The following WDR33 variants were observed in gnomAD, a reference collection of about 807,000 sequenced individuals.
WDR33 encodes the protein WD repeat domain 33.
WDR33 carries 47 observed loss-of-function variants against 164.9 expected under a neutral mutation model. The observed-to-expected ratio is 0.29, with a 90% CI of 0.23 to 0.36. The LOEUF is 0.36. Among genes scored for constraint, WDR33 ranks in the 10% least tolerant of loss-of-function variants. The probability of loss-of-function intolerance (pLI) is 1.00; values close to 1 mark genes in which losing one functional copy is unlikely to be tolerated. For synonymous variants in WDR33, 505 were observed against 589.0 expected (o/e 0.86, Z 2.06); for missense variants, 1,137 against 1,754.1 (o/e 0.65, Z 6.28).
Position 127,741,964 on chromosome 2 carries a change from G to A in WDR33, c.725-15187C>T, listed in dbSNP as rs1439730688. 1.3e-5 allele frequency among the ~76,000 whole-genome samples: 2 copies of A among 152,160 alleles called. No homozygotes were observed. Among genetic ancestry groups the A allele is most frequent in the East Asian group, 3.9e-4 (2 of 5,158 alleles). Reference sequence around the variant, plus strand: ...ACCTGTAATCCCAGCACTTTGGGAGGCCGAGGCGGGTGGATCACCTGAAGT... The same window carrying A: ...ACCTGTAATCCCAGCACTTTGGGAGACCGAGGCGGGTGGATCACCTGAAGT... On this transcript the variant is annotated intron_variant, in intron 7 of 21. Coordinates refer to ENST00000322313, the MANE Select transcript of WDR33 (RefSeq NM_018383.5). The surrounding 1 kb of genome is among the most constrained non-coding windows in gnomAD (Gnocchi z 4.1).
Position 127,724,193 on chromosome 2 carries a change from T to C in WDR33, c.1196+140A>G, listed in dbSNP as rs1686508813. On this transcript the variant is annotated intron_variant, in intron 11 of 21. Coordinates refer to ENST00000322313, the MANE Select transcript of WDR33 (RefSeq NM_018383.5). This position sits in a 1 kb window ranked among gnomAD's most constrained non-coding sequence, Gnocchi z 4.8. The stretch of plus-strand genomic sequence containing the variant: ...AATCTCTTTATTGCAATATAAGTAT[T>C]TGTAAACCACTACAAAAATATTCCC... 1 of 646,786 alleles carries C rather than the reference T, an allele frequency of 1.5e-6. No homozygotes were observed. The highest frequency in any genetic ancestry group is 4.3e-4 in the Middle Eastern group (1 of 2,338). 40.1% of individuals were successfully genotyped at this position (646,786 alleles called of 1,614,324 possible). A position where few individuals can be genotyped will look rare whatever the true frequency, so the allele number is the denominator to read the frequency against.
At position 127,724,540 on chromosome 2, in the gene WDR33, G is replaced by A; in HGVS notation, c.1086-97C>T. 1.8e-6 allele frequency: 2 copies of A among 1,082,050 alleles called. No homozygotes were observed. The highest frequency in any genetic ancestry group is 2.8e-6 in the Non-Finnish European group (2 of 724,408). 67.0% of individuals were successfully genotyped at this position (1,082,050 alleles called of 1,614,324 possible). A position where few individuals can be genotyped will look rare whatever the true frequency, so the allele number is the denominator to read the frequency against. On this transcript the variant is annotated intron_variant, in intron 10 of 21. Coordinates refer to ENST00000322313, the MANE Select transcript of WDR33 (RefSeq NM_018383.5). This position sits in a 1 kb window ranked among gnomAD's most constrained non-coding sequence, Gnocchi z 4.8. ...CATTTTCTGTTACTCTTAAAATGAA[G>A]CTACCAAAGCCTGGACTTGGACTCT... is the stretch of plus-strand genomic sequence containing the variant.
intron 1 of WDR33, among the ~76,000 whole-genome samples, chr2:127,789,609 C>A (rs950941404): frequency 6.6e-6 from 1 of 151,180 alleles, no homozygotes; most frequent in Non-Finnish European, 1.5e-5. Context: ...GAGAATCAGG[C>A]AGGGAGGTTG....
At chr2:127,727,735 A>G (rs767511043) in intron 7 of WDR33, among the ~76,000 whole-genome samples, 1 of 152,254 alleles carries the variant, frequency 6.6e-6, no homozygotes, top group Non-Finnish European at 1.5e-5. Flanking sequence ...CAAAGCCCCA[A>G]GGATATTTTA....
At chr2:127,810,948 GA>G in intron 1 of WDR33, 63 bp downstream of exon 1, 1 of 152,896 alleles carries the variant, frequency 6.5e-6, no homozygotes, top group Non-Finnish European at 1.5e-5. Context: ...GGCCGAGCCC[GA>G]AAATGGCGGA....
rs528254920 is a variant in WDR33 at position 127,764,339 on chromosome 2, G to C, written c.626+489C>G. 1.5e-6 allele frequency: 2 copies of C among 1,375,904 alleles called. No homozygotes were observed. The highest frequency in any genetic ancestry group is 1.9e-6 in the Non-Finnish European group (2 of 1,065,182). The allele number at this position is 1,375,904 out of a possible 1,614,324, so 85.2% of individuals were successfully genotyped here. On this transcript the variant is annotated intron_variant, in intron 6 of 21. Transcript: ENST00000322313. This position sits in a 1 kb window ranked among gnomAD's most constrained non-coding sequence, Gnocchi z 6.2. ...TTTGCCACATCCAGTTATCTGTGAG[G>C]GTTTTAGTCCTATACTTTCCTTTGG...
intron 1 of WDR33, chr2:127,799,035 AC>A (rs1487871263): frequency 6.6e-6 from 1 of 152,108 alleles, no homozygotes. Flanking sequence ...GGTCAAACTC[AC>A]TATAGCTGCT....
At position 127,747,286 on chromosome 2, in the gene WDR33, A is replaced by T. The variant is rs373879862; in HGVS notation, c.724+15776T>A. Among the ~76,000 whole-genome samples the T allele has an allele frequency of 8.5e-4, 129 of 152,334 alleles. 2 individuals carry two copies. In the South Asian group the frequency reaches 0.026, roughly 31 times the overall value. Reference sequence around the variant, plus strand: ...ATGTACTGTACCTAATAAATAAAATACAAACAACAGTTTAACATACAGTGT... The same window carrying T: ...ATGTACTGTACCTAATAAATAAAATTCAAACAACAGTTTAACATACAGTGT... On this transcript the variant is annotated intron_variant, in intron 7 of 21. Coordinates refer to ENST00000322313, the MANE Select transcript of WDR33 (RefSeq NM_018383.5).
Position 127,701,912 on chromosome 2 carries a change from C to T in WDR33, c.*4411G>A. On this transcript the variant is annotated 3_prime_UTR_variant, in exon 22 of 22. Coordinates refer to ENST00000322313, the MANE Select transcript of WDR33 (RefSeq NM_018383.5). ...TGGCGGGAAGCGCGCTGCTGCGGGG[C>T]GGCGCGGCGTGCGGACGCCTGCTGC... is the stretch of plus-strand genomic sequence containing the variant. The T allele has an allele frequency of 1.4e-6, 2 of 1,448,444 alleles. No homozygotes were observed. The highest frequency in any genetic ancestry group is 1.8e-6 in the Non-Finnish European group (2 of 1,106,960). 89.7% of individuals were successfully genotyped at this position (1,448,444 alleles called of 1,614,324 possible).
chr2:127,756,963 G>A (rs1414083904), intron 7 of WDR33, among the ~76,000 whole-genome samples: 2 of 151,860 alleles, frequency 1.3e-5, no homozygotes, highest in South Asian at 2.1e-4. Flanking sequence ...TGTAGTCCCA[G>A]CTACCAGGGA....
At chr2:127,757,847 T>C (rs879554204) in intron 7 of WDR33, among the ~76,000 whole-genome samples, 3 of 152,184 alleles carry the variant, frequency 2.0e-5, no homozygotes, top group Non-Finnish European at 2.9e-5. Flanking sequence ...AAAAACACAC[T>C]GCCAAACGAA....
intron 1 of WDR33, among the ~76,000 whole-genome samples, chr2:127,792,226 A>C (rs1160956134): frequency 6.6e-6 from 1 of 151,922 alleles, no homozygotes; most frequent in Non-Finnish European, 1.5e-5. Context: ...AGCGTGAGCC[A>C]CCACACTCAG....
At position 127,704,589 on chromosome 2, in the gene WDR33, CTGATTAAA is replaced by C. The variant is rs1360587725; in HGVS notation, c.*1726_*1733del. 1.2e-5 allele frequency: 2 copies of C among 166,750 alleles called. No homozygotes were observed. The highest frequency in any genetic ancestry group is 2.9e-5 in the Non-Finnish European group (2 of 68,082). The allele number at this position is 166,750 out of a possible 1,614,324, so 10.3% of individuals were successfully genotyped here. A position where few individuals can be genotyped will look rare whatever the true frequency, so the allele number is the denominator to read the frequency against. ...CTAATAGCATGTTTATGGTGGAGCG[CTGATTAAA>C]TAAGCTGTAATTTCAAAGTTAAAAA... On this transcript the variant is annotated 3_prime_UTR_variant, in exon 22 of 22. Coordinates refer to ENST00000322313, the MANE Select transcript of WDR33 (RefSeq NM_018383.5).
In WDR33 at chr2:127,717,215, G is replaced by A; in HGVS notation, c.2809C>T (p.Gln937Ter). Residue 937 changes from glutamine (Q) to a stop codon, truncating the protein, a stop_gained, in exon 17 of 22, where the codon CAG (glutamine) becomes TAG (stop). Transcript: ENST00000322313. LOFTEE classifies it high-confidence loss of function. The surrounding 1 kb of genome is among the most constrained non-coding windows in gnomAD (Gnocchi z 5.6). ...GGGGGAATGCGACCTTGTGCTCCCT[G>A]CTGCCCTAGGCCTGGTATCAGGGGT... ...PPPLIPGLGQ[Q>*]GAQGRIPPLN... 1.2e-6 allele frequency: 2 copies of A among 1,608,950 alleles called. No homozygotes were observed. Among genetic ancestry groups the A allele is most frequent in the Non-Finnish European group, 1.7e-6 (2 of 1,177,572 alleles).
In WDR33 at chr2:127,717,354, C is replaced by A; in HGVS notation, c.2761-91G>T. ...ATTATAACATGACAAGATAAAAATA[C>A]CCAGTAAATATTTACCTAGTAAGAT... is the stretch of plus-strand genomic sequence containing the variant. On this transcript the variant is annotated intron_variant, in intron 16 of 21. Transcript: ENST00000322313. This position sits in a 1 kb window ranked among gnomAD's most constrained non-coding sequence, Gnocchi z 5.6. 3.7e-6 allele frequency: 4 copies of A among 1,067,992 alleles called. No homozygotes were observed. The highest frequency in any genetic ancestry group is 3.9e-6 in the Non-Finnish European group (3 of 773,746). 66.2% of individuals were successfully genotyped at this position (1,067,992 alleles called of 1,614,324 possible).
chr2:127,754,334 C>G (rs1687456529), intron 7 of WDR33, among the ~76,000 whole-genome samples: 1 of 152,176 alleles, frequency 6.6e-6, no homozygotes, highest in South Asian at 2.1e-4. Context: ...CTTTCTATAA[C>G]TTCCCTGACA....
rs1168537092 is a variant in WDR33 at position 127,738,007 on chromosome 2, A to G, written c.725-11230T>C. 2 of 1,612,838 alleles carry G rather than the reference A, an allele frequency of 1.2e-6. No individual in the cohort carries two copies. The highest frequency in any genetic ancestry group is 2.2e-5 in the South Asian group (2 of 90,800). On this transcript the variant is annotated intron_variant, in intron 7 of 21. Transcript: ENST00000322313. This position sits in a 1 kb window ranked among gnomAD's most constrained non-coding sequence, Gnocchi z 4.4. ...AAACTTTGTCCACCTACTGTTATTC[A>G]CCTCTTGACAGAAAGGAAGTAACAA... is the stretch of plus-strand genomic sequence containing the variant.
chr2:127,758,709 A>G (rs1421484587), intron 7 of WDR33, among the ~76,000 whole-genome samples: 1 of 152,080 alleles, frequency 6.6e-6, no homozygotes, highest in African/African-American at 2.4e-5. Flanking sequence ...CCATATCCTT[A>G]CTGATTCCGT....
At chr2:127,790,153 A>G (rs1424784210) in intron 1 of WDR33, among the ~76,000 whole-genome samples, 2 of 152,126 alleles carry the variant, frequency 1.3e-5, no homozygotes, top group African/African-American at 4.8e-5. Context: ...AATTATCATG[A>G]AAGTATACTG....
Sources: allele counts gnomAD v4.1 joint callset (sites outside exome capture counted in the v4.1 genomes callset), GRCh38; gene constraint gnomAD v4.1.1; non-coding constraint Gnocchi (gnomAD v3.1); transcripts MANE v1.5; gene names NCBI Gene and HGNC (gene_info 2026-07-23, HGNC 2026-07-21).